TCTN1: variants seen among roughly 807,000 people sequenced by gnomAD.
TCTN1 encodes tectonic-1.
In TCTN1, 58 loss-of-function variants were observed where a neutral mutation model predicts 65.8. That is an observed-to-expected ratio of 0.88 (90% CI 0.71 to 1.10). The LOEUF is 1.10. Among genes scored for constraint, TCTN1 ranks in the 50% least tolerant of loss-of-function variants. The pLI, the probability that TCTN1 is intolerant of heterozygous loss-of-function variation, is 0.00. For missense variants in TCTN1, 645 were observed against 719.4 expected (o/e 0.90, Z 1.18); for synonymous variants, 273 against 289.1 (o/e 0.94, Z 0.57).
chr12:110,619,939 C>T lies in TCTN1; in HGVS notation c.324C>T (p.Cys108=), dbSNP rs746395276. 4.3e-6 allele frequency: 7 copies of T among 1,614,118 alleles called. No individual in the cohort carries two copies. Among genetic ancestry groups the T allele is most frequent in the Non-Finnish European group, 5.9e-6 (7 of 1,180,038 alleles). ...SSVDFSVFSA[C]SVPVVTGDSQ... is the part of the protein sequence containing the mutation. ...TGGATTTCAGTGTCTTTTCTGCCTG[C>T]TCAGTTCCAGTTGTCACGTAAGTTT... Residue 108 remains cysteine, a synonymous_variant, in exon 2 of 15, where the codon TGC becomes TGT. Transcript: ENST00000397659.
In TCTN1 at chr12:110,638,270, G is replaced by T. The variant is rs536033351; in HGVS notation, c.843+1769G>T. Reference sequence around the variant, plus strand: ...TTTGCATCCTGTGGCCACACAGGACGTGGCAGACTGGGACTTCCAACTTAG... The same window carrying T: ...TTTGCATCCTGTGGCCACACAGGACTTGGCAGACTGGGACTTCCAACTTAG... On this transcript the variant is annotated intron_variant, in intron 7 of 14. Coordinates refer to ENST00000397659, the MANE Select transcript of TCTN1 (RefSeq NM_001082538.3). 2.0e-5 allele frequency among the ~76,000 whole-genome samples: 3 copies of T among 152,336 alleles called. No homozygotes were observed. In the South Asian group the frequency reaches 6.2e-4, roughly 32 times the overall value.
intron 1 of TCTN1, among the ~76,000 whole-genome samples, chr12:110,617,223 T>C (rs2065103673): frequency 6.6e-6 from 1 of 152,200 alleles, no homozygotes; most frequent in Non-Finnish European, 1.5e-5. Flanking sequence ...AGAGAAGCAC[T>C]GTAAACTTTA....
Position 110,640,719 on chromosome 12 carries a change from A to G in TCTN1, c.978+202A>G, listed in dbSNP as rs1438086984. ...CAAACTTAGTGACTTGCCGGAATACATCAAAATATTTTTGTTGTTGCTGTT... is the reference window on the plus strand; with the variant it reads ...CAAACTTAGTGACTTGCCGGAATACGTCAAAATATTTTTGTTGTTGCTGTT... On this transcript the variant is annotated intron_variant, in intron 8 of 14. Transcript: ENST00000397659. This position sits in a 1 kb window ranked among gnomAD's most constrained non-coding sequence, Gnocchi z 4.9. 4.6e-5 allele frequency among the ~76,000 whole-genome samples: 7 copies of G among 152,192 alleles called. No individual in the cohort carries two copies. The highest frequency in any genetic ancestry group is 1.7e-4 in the African/African-American group (7 of 41,452).
intron 4 of TCTN1, among the ~76,000 whole-genome samples, chr12:110,632,263 A>G (rs1444345067): frequency 3.3e-5 from 5 of 152,174 alleles, no homozygotes; most frequent in Non-Finnish European, 5.9e-5. Flanking sequence ...GCCTGCAAAT[A>G]CAGTAACATG....
chr12:110,627,849 A>G, intron 3 of TCTN1: 1 of 607,364 alleles, frequency 1.6e-6, no homozygotes, highest in Non-Finnish European at 2.9e-6. Context: ...AGACACGTTT[A>G]TGCTTTTATT....
chr12:110,632,334 G>T (rs1043867530), intron 4 of TCTN1, 138 bp from the exon 5 acceptor site: 1 of 819,586 alleles, frequency 1.2e-6, no homozygotes. Flanking sequence ...CTTCTTGAGG[G>T]CAAGGACCAC....
intron 10 of TCTN1, 141 bp downstream of exon 10, chr12:110,641,768 C>T (rs2066970061): frequency 1.2e-6 from 1 of 854,054 alleles, no homozygotes; most frequent in African/African-American, 1.7e-5. Flanking sequence ...GCAGGCGGCT[C>T]TGGTGGGCGG....
intron 3 of TCTN1, among the ~76,000 whole-genome samples, chr12:110,627,098 C>CTTTT (rs1272922586): frequency 1.1e-4 from 14 of 130,636 alleles, no homozygotes; most frequent in African/African-American, 1.4e-4. Context: ...TTCTTTCTTT[C>CTTTT]TTTTTTTTTT....
intron 14 of TCTN1, 49 bp downstream of exon 14, chr12:110,647,942 G>C (rs760267042): frequency 6.2e-7 from 1 of 1,610,006 alleles, no homozygotes; most frequent in African/African-American, 1.3e-5. Flanking sequence ...CCTTTGGAAA[G>C]TGTGCACGTG....
intron 7 of TCTN1, 134 bp downstream of exon 7, chr12:110,636,635 A>G: frequency 3.5e-6 from 2 of 571,932 alleles, no homozygotes; most frequent in South Asian, 3.7e-5. Flanking sequence ...CATTTGCCAA[A>G]AAGCAAGCAG....
At chr12:110,623,306 C>G (rs1028099638) in intron 2 of TCTN1, among the ~76,000 whole-genome samples, 2 of 152,204 alleles carry the variant, frequency 1.3e-5, no homozygotes, top group East Asian at 3.9e-4. Context: ...CATTGCCGTT[C>G]TTGCACTTGG....
At chr12:110,621,980 A>T (rs996854838) in intron 2 of TCTN1, among the ~76,000 whole-genome samples, 3 of 151,836 alleles carry the variant, frequency 2.0e-5, no homozygotes, top group Non-Finnish European at 2.9e-5. Flanking sequence ...TCTACTAAAA[A>T]TACAAAAATC....
rs1268057107 is a variant in TCTN1 at position 110,614,143 on chromosome 12, C to T, written c.-40C>T. On this transcript the variant is annotated 5_prime_UTR_variant, in exon 1 of 15. Coordinates refer to ENST00000397659, the MANE Select transcript of TCTN1 (RefSeq NM_001082538.3). Reference sequence around the variant, plus strand: ...TGGCTGTCGCGGTTGCCGGGCAACGCGCTGTCCATGTCGCGGGCCTCGCTG... The same window carrying T: ...TGGCTGTCGCGGTTGCCGGGCAACGTGCTGTCCATGTCGCGGGCCTCGCTG... 5.9e-5 allele frequency: 91 copies of T among 1,543,930 alleles called. No individual in the cohort carries two copies. Among genetic ancestry groups the T allele is most frequent in the Non-Finnish European group, 7.9e-5 (90 of 1,146,202 alleles).
chr12:110,642,527 G>T, intron 11 of TCTN1, 138 bp downstream of exon 11: 1 of 1,230,168 alleles, frequency 8.1e-7, no homozygotes, highest in Non-Finnish European at 1.2e-6. Flanking sequence ...CATCATGCAT[G>T]AATAGTAGCA....
chr12:110,640,572 T>C lies in TCTN1; in HGVS notation c.978+55T>C, dbSNP rs1038979555. On this transcript the variant is annotated intron_variant, in intron 8 of 14. Coordinates refer to ENST00000397659, the MANE Select transcript of TCTN1 (RefSeq NM_001082538.3). This position sits in a 1 kb window ranked among gnomAD's most constrained non-coding sequence, Gnocchi z 4.9. ...GTCTGTGGCAGACTTAAGCCTCTTGTTGCGCCGGGGTAACTGGACGCCCTC... is the reference window on the plus strand; with the variant it reads ...GTCTGTGGCAGACTTAAGCCTCTTGCTGCGCCGGGGTAACTGGACGCCCTC... 25 of 1,613,106 alleles carry C rather than the reference T, an allele frequency of 1.5e-5. No homozygotes were observed. Among genetic ancestry groups the C allele is most frequent in the Non-Finnish European group, 2.0e-5 (24 of 1,179,842 alleles).
At chr12:110,641,416 T>A (rs2066943049) in intron 9 of TCTN1, 126 bp from the exon 10 acceptor site, 1 of 998,616 alleles carries the variant, frequency 1.0e-6, no homozygotes. Flanking sequence ...TAGTTCTGAG[T>A]AGGGAGGGAG....
At position 110,648,646 on chromosome 12, in the gene TCTN1, C is replaced by G. The variant is rs1482428803; in HGVS notation, c.*2-397C>G. ...CACACAGCCCTTACAAGGGGATCTT[C>G]CCCCAAATACCTTGTTAATTATAGT... On this transcript the variant is annotated intron_variant, in intron 14 of 14. Coordinates refer to ENST00000397659, the MANE Select transcript of TCTN1 (RefSeq NM_001082538.3). 4 of 176,508 alleles carry G rather than the reference C, an allele frequency of 2.3e-5. No individual in the cohort carries two copies. The South Asian group carries it at 5.3e-4, about 23-fold the overall frequency. The allele number at this position is 176,508 out of a possible 1,614,324, so 10.9% of individuals were successfully genotyped here. A position where few individuals can be genotyped will look rare whatever the true frequency, so the allele number is the denominator to read the frequency against.
intron 3 of TCTN1, chr12:110,628,341 C>CTTTTTT: frequency 4.8e-6 from 4 of 837,464 alleles, no homozygotes; most frequent in East Asian, 3.0e-5. Flanking sequence ...GAAAAATACA[C>CTTTTTT]TTTTTTTTTT....
At chr12:110,620,687 A>C (rs1490715761) in intron 2 of TCTN1, among the ~76,000 whole-genome samples, 1 of 152,164 alleles carries the variant, frequency 6.6e-6, no homozygotes, top group African/African-American at 2.4e-5. Context: ...TGATATGTAA[A>C]TCTACCAGGA....
Sources: allele counts gnomAD v4.1 joint callset (sites outside exome capture counted in the v4.1 genomes callset), GRCh38; gene constraint gnomAD v4.1.1; non-coding constraint Gnocchi (gnomAD v3.1); transcripts MANE v1.5; gene names NCBI Gene and HGNC (gene_info 2026-07-23, HGNC 2026-07-21).